The following PPFIA2 variants were observed in gnomAD, a reference collection of about 807,000 sequenced individuals.
PPFIA2 encodes PPFI scaffold protein A2.
PPFIA2 carries 46 observed loss-of-function variants against 175.5 expected under a neutral mutation model. The ratio of observed to expected loss-of-function variants is 0.26; its 90% CI spans 0.21 to 0.34. The LOEUF (loss-of-function observed/expected upper bound fraction) is 0.34. Among genes scored for constraint, PPFIA2 ranks in the 10% least tolerant of loss-of-function variants. The pLI is 1.00. For missense variants in PPFIA2, 1,179 were observed against 1,506.1 expected, an observed-to-expected ratio of 0.78 and a Z score of 3.60; for synonymous variants, 568 against 511.4, an observed-to-expected ratio of 1.11 and a Z score of -1.49.
chr12:81,736,865 C>G (rs1169833166), intron 3 of PPFIA2, among the ~76,000 whole-genome samples: 2 of 151,932 alleles, frequency 1.3e-5, no homozygotes, highest in Non-Finnish European at 2.9e-5. Context: ...GCCTCTGCCT[C>G]CCCAGCAGCT....
chr12:81,536,593 C>CA (rs1000104530), intron 4 of PPFIA2, among the ~76,000 whole-genome samples: 3 of 148,216 alleles, frequency 2.0e-5, no homozygotes, highest in East Asian at 2.0e-4. Context: ...AAAGGGAAAC[C>CA]AAAAAAAGTG....
intron 4 of PPFIA2, among the ~76,000 whole-genome samples, chr12:81,630,884 T>C (rs887098430): frequency 6.9e-4 from 60 of 86,676 alleles, no homozygotes; most frequent in African/African-American, 3.6e-3. Context: ...GGAAAGGCTA[T>C]ATATATATAT....
chr12:81,449,429 A>G (rs1181436088), intron 5 of PPFIA2, among the ~76,000 whole-genome samples: 1 of 151,848 alleles, frequency 6.6e-6, no homozygotes, highest in African/African-American at 2.4e-5. Context: ...TCTACCAGAA[A>G]CACCATCTTA....
chr12:81,612,071 C>T (rs539068914), intron 4 of PPFIA2, among the ~76,000 whole-genome samples: 4 of 152,166 alleles, frequency 2.6e-5, no homozygotes, highest in African/African-American at 9.6e-5. Context: ...AGCTTTTTCT[C>T]TCCCAATATC....
chr12:81,621,072 C>T (rs2061995701), intron 4 of PPFIA2, among the ~76,000 whole-genome samples: 1 of 151,970 alleles, frequency 6.6e-6, no homozygotes, highest in Non-Finnish European at 1.5e-5. Context: ...TAGAAGAAAT[C>T]AGGGAGAAAA....
chr12:81,701,638 G>A (rs568459413), intron 3 of PPFIA2, among the ~76,000 whole-genome samples: 4 of 152,090 alleles, frequency 2.6e-5, no homozygotes, highest in African/African-American at 9.6e-5. Flanking sequence ...AATGGGTTGT[G>A]AAATTTAAAA....
intron 4 of PPFIA2, among the ~76,000 whole-genome samples, chr12:81,469,480 G>T (rs1383093541): frequency 1.3e-5 from 2 of 152,142 alleles, no homozygotes; most frequent in East Asian, 1.9e-4. Context: ...GCGTGAAGGG[G>T]GCATCTAAGA....
At chr12:81,273,892 C>CCA (rs1555204548) in intron 28 of PPFIA2, among the ~76,000 whole-genome samples, 1 of 151,724 alleles carries the variant, frequency 6.6e-6, no homozygotes, top group East Asian at 1.9e-4. Flanking sequence ...CGCCCCCCCC[C>CCA]AAACCGGTCT....
At chr12:81,419,861 T>A (rs1180295315) in intron 7 of PPFIA2, among the ~76,000 whole-genome samples, 1 of 152,104 alleles carries the variant, frequency 6.6e-6, no homozygotes, top group Non-Finnish European at 1.5e-5. Context: ...GTACCACCAT[T>A]GTTCGATGTA....
chr12:81,461,371 A>G (rs1441459471), intron 4 of PPFIA2, among the ~76,000 whole-genome samples: 1 of 152,086 alleles, frequency 6.6e-6, no homozygotes, highest in Non-Finnish European at 1.5e-5. Flanking sequence ...TTCTGGCTAA[A>G]AATGGAGTCT....
chr12:81,623,084 A>G (rs908894140), intron 4 of PPFIA2, among the ~76,000 whole-genome samples: 1 of 152,238 alleles, frequency 6.6e-6, no homozygotes, highest in South Asian at 2.1e-4. Context: ...TTCCATAACT[A>G]TCTTGGGGAA....
chr12:81,261,700 T>C (rs1242817799), intron 32 of PPFIA2, among the ~76,000 whole-genome samples: 1 of 152,112 alleles, frequency 6.6e-6, no homozygotes, highest in African/African-American at 2.4e-5. Flanking sequence ...GGCAACCCAT[T>C]GATGTGTAAT....
At chr12:81,291,891 A>G (rs1237753999) in intron 24 of PPFIA2, among the ~76,000 whole-genome samples, 3 of 152,096 alleles carry the variant, frequency 2.0e-5, no homozygotes. Flanking sequence ...TGTTTGAAAA[A>G]CTGAAAGTAG....
At chr12:81,665,261 T>C (rs1174122481) in intron 4 of PPFIA2, among the ~76,000 whole-genome samples, 2 of 152,064 alleles carry the variant, frequency 1.3e-5, no homozygotes, top group Non-Finnish European at 2.9e-5. Flanking sequence ...GTTTCATTAC[T>C]CAGAGCTTCT....
At chr12:81,583,931 G>C (rs2074800476) in intron 4 of PPFIA2, among the ~76,000 whole-genome samples, 1 of 151,852 alleles carries the variant, frequency 6.6e-6, no homozygotes, top group African/African-American at 2.4e-5. Context: ...TTATGTTTTT[G>C]TAATATAATT....
chr12:81,289,139 C>G (rs761120742), intron 24 of PPFIA2, among the ~76,000 whole-genome samples: 40 of 151,764 alleles, frequency 2.6e-4, no homozygotes, highest in Non-Finnish European at 4.4e-4. Flanking sequence ...TTGTGAGAGT[C>G]AAATGGGCTA....
intron 4 of PPFIA2, among the ~76,000 whole-genome samples, chr12:81,561,993 G>A (rs1247157084): frequency 6.6e-6 from 1 of 152,116 alleles, no homozygotes; most frequent in Non-Finnish European, 1.5e-5. Flanking sequence ...TCACATTTAT[G>A]TTTTGCTAAT....
At chr12:81,419,953 C>A (rs918150284) in intron 7 of PPFIA2, among the ~76,000 whole-genome samples, 1 of 152,134 alleles carries the variant, frequency 6.6e-6, no homozygotes, top group African/African-American at 2.4e-5. Context: ...AGCAGGAGGA[C>A]TTCAAAAGCT....
chr12:81,585,518 C>G (rs1008006547), intron 4 of PPFIA2, among the ~76,000 whole-genome samples: 9 of 151,806 alleles, frequency 5.9e-5, no homozygotes, highest in African/African-American at 1.9e-4. Context: ...ACTTTTTAAA[C>G]TTTTAAATTA....
Sources: allele counts gnomAD v4.1 joint callset (sites outside exome capture counted in the v4.1 genomes callset), GRCh38; gene constraint gnomAD v4.1.1; transcripts MANE v1.5; gene names NCBI Gene and HGNC (gene_info 2026-07-23, HGNC 2026-07-21).